The following ADAMTS17 variants were observed in gnomAD, a reference collection of about 807,000 sequenced individuals.
The protein encoded by ADAMTS17 is ADAM metallopeptidase with thrombospondin type 1 motif 17, also known as A disintegrin and metalloproteinase with thrombospondin motifs 17.
Under a neutral mutation model 141.5 loss-of-function variants are expected in ADAMTS17, and 113 were observed. The observed-to-expected ratio is 0.80, with a 90% CI of 0.69 to 0.93. The LOEUF is 0.93. Ranked by LOEUF, ADAMTS17 falls within the 40% of genes least tolerant of loss-of-function variation. The pLI, the probability that ADAMTS17 is intolerant of heterozygous loss-of-function variation, is 0.00. For synonymous variants in ADAMTS17, 768 were observed against 630.6 expected, an observed-to-expected ratio of 1.22 and a Z score of -3.27; for missense variants, 1,659 against 1,517.9, an observed-to-expected ratio of 1.09 and a Z score of -1.54.
chr15:100,119,873 C>A (rs1361513282), intron 12 of ADAMTS17, among the ~76,000 whole-genome samples: 1 of 152,208 alleles, frequency 6.6e-6, no homozygotes, highest in Non-Finnish European at 1.5e-5. Flanking sequence ...CCACCTCCAC[C>A]CTATTTTTCC....
chr15:100,228,472 C>A (rs914896584), intron 7 of ADAMTS17, among the ~76,000 whole-genome samples: 8 of 152,126 alleles, frequency 5.3e-5, no homozygotes, highest in Non-Finnish European at 1.2e-4. Context: ...CTGCTGAATT[C>A]ATTATTGATC....
At chr15:100,237,682 G>A (rs1468215331) in intron 7 of ADAMTS17, among the ~76,000 whole-genome samples, 2 of 152,166 alleles carry the variant, frequency 1.3e-5, no homozygotes, top group Non-Finnish European at 2.9e-5. Context: ...GGAGTGCAAT[G>A]GTGCAATCTC....
At chr15:100,147,653 T>C (rs1054222164) in intron 10 of ADAMTS17, among the ~76,000 whole-genome samples, 7 of 152,228 alleles carry the variant, frequency 4.6e-5, no homozygotes, top group African/African-American at 1.7e-4. Flanking sequence ...ATGCAGCTGA[T>C]ACTGACTGAA....
chr15:100,063,884 G>A (rs952146737), intron 15 of ADAMTS17: 26 of 562,768 alleles, frequency 4.6e-5, no homozygotes, highest in South Asian at 8.0e-5. Context: ...GAGGGCTGGC[G>A]CAGAAGAAGG....
At chr15:100,208,160 G>A (rs538493542) in intron 7 of ADAMTS17, among the ~76,000 whole-genome samples, 1 of 152,112 alleles carries the variant, frequency 6.6e-6, no homozygotes, top group African/African-American at 2.4e-5. Context: ...AGGAACCCAG[G>A]AGCCTCCCCT....
At chr15:100,078,425 A>G (rs1335316132) in intron 15 of ADAMTS17, among the ~76,000 whole-genome samples, 1 of 144,650 alleles carries the variant, frequency 6.9e-6, no homozygotes. Flanking sequence ...GAGTCCAGAA[A>G]ACAATTTTTT....
intron 7 of ADAMTS17, among the ~76,000 whole-genome samples, chr15:100,223,166 A>G (rs2042187541): frequency 6.6e-6 from 1 of 152,176 alleles, no homozygotes; most frequent in South Asian, 2.1e-4. Context: ...GAGGGAGACA[A>G]AAGGACATGG....
At position 100,254,156 on chromosome 15, in the gene ADAMTS17, T is replaced by A. The variant is rs1043689482; in HGVS notation, c.1055A>T (p.Asp352Val). 8.7e-6 allele frequency: 14 copies of A among 1,613,426 alleles called. No individual in the cohort carries two copies. The highest frequency in any genetic ancestry group is 1.3e-5 in the African/African-American group (1 of 74,868). Residue 352 changes from aspartate (D) to valine (V), a missense_variant, in exon 7 of 22, where the codon GAT becomes GTT. Transcript: ENST00000268070. ...VTRTDFCVHKDEPCDTVGIAY... is the reference protein window; with the variant it reads ...VTRTDFCVHKVEPCDTVGIAY... ...CTTACCAACAGTGTCACACGGTTCATCCTTGTGTACACAGAAATCTGTCCT... is the reference window on the plus strand; with the variant it reads ...CTTACCAACAGTGTCACACGGTTCAACCTTGTGTACACAGAAATCTGTCCT...
chr15:100,077,844 A>G (rs894360792), intron 15 of ADAMTS17, among the ~76,000 whole-genome samples: 2 of 152,228 alleles, frequency 1.3e-5, no homozygotes, highest in African/African-American at 2.4e-5. Context: ...AGATGCTAAA[A>G]TCTTATATAC....
At chr15:100,175,932 T>C (rs370558623) in intron 8 of ADAMTS17, among the ~76,000 whole-genome samples, 3 of 152,198 alleles carry the variant, frequency 2.0e-5, no homozygotes, top group African/African-American at 7.2e-5. Flanking sequence ...TCTTTTCTTT[T>C]TAGGACATAA....
At chr15:100,028,279 A>G (rs1567692068) in intron 18 of ADAMTS17, among the ~76,000 whole-genome samples, 1 of 152,130 alleles carries the variant, frequency 6.6e-6, no homozygotes, top group African/African-American at 2.4e-5. Flanking sequence ...ATCTGCCTAA[A>G]TCATCCCTCA....
intron 8 of ADAMTS17, among the ~76,000 whole-genome samples, chr15:100,197,061 T>TTGAATCTAACCA (rs1385752566): frequency 3.9e-5 from 6 of 152,236 alleles, no homozygotes; most frequent in Non-Finnish European, 5.9e-5. Flanking sequence ...TAAAGTGTGT[T>TTGAATCTAACCA]TGAATCTAAC....
chr15:100,147,731 C>A (rs550454360), intron 10 of ADAMTS17, among the ~76,000 whole-genome samples: 2 of 152,226 alleles, frequency 1.3e-5, no homozygotes, highest in East Asian at 3.9e-4. Context: ...AATGTCATAC[C>A]TTTTACTTTT....
intron 6 of ADAMTS17, among the ~76,000 whole-genome samples, chr15:100,255,654 A>C (rs1189523384): frequency 6.6e-6 from 1 of 151,838 alleles, no homozygotes; most frequent in African/African-American, 2.4e-5. Flanking sequence ...CTGGCCCAGG[A>C]CCTTGCTCCA....
At chr15:100,049,143 G>C in intron 17 of ADAMTS17, 151 bp from the exon 18 acceptor site, 2 of 1,214,438 alleles carry the variant, frequency 1.6e-6, no homozygotes, top group Non-Finnish European at 2.3e-6. Flanking sequence ...GGTTTTTAGA[G>C]AGGAAGAACT....
chr15:100,228,395 T>C (rs1440265798), intron 7 of ADAMTS17, among the ~76,000 whole-genome samples: 2 of 152,242 alleles, frequency 1.3e-5, no homozygotes, highest in Non-Finnish European at 2.9e-5. Context: ...GAATCTCATC[T>C]GCTTTGCACA....
At chr15:100,088,590 T>C (rs1403583279) in intron 15 of ADAMTS17, among the ~76,000 whole-genome samples, 1 of 151,936 alleles carries the variant, frequency 6.6e-6, no homozygotes, top group Non-Finnish European at 1.5e-5. Flanking sequence ...CTTCAAACTA[T>C]ACTACAAGGC....
intron 6 of ADAMTS17, among the ~76,000 whole-genome samples, chr15:100,258,534 G>A (rs7163218): frequency 0.036 from 5,551 of 152,280 alleles, 297 homozygotes; most frequent in African/African-American, 0.12. Flanking sequence ...CGAAAGGCAC[G>A]TCTCACATGG....
chr15:100,293,655 C>T (rs746418822), intron 3 of ADAMTS17, among the ~76,000 whole-genome samples: 3 of 152,130 alleles, frequency 2.0e-5, no homozygotes, highest in Non-Finnish European at 4.4e-5. Context: ...CTCCTGGCCA[C>T]CTACCCCCAG....
Sources: allele counts gnomAD v4.1 joint callset (sites outside exome capture counted in the v4.1 genomes callset), GRCh38; gene constraint gnomAD v4.1.1; transcripts MANE v1.5; gene names NCBI Gene and HGNC (gene_info 2026-07-23, HGNC 2026-07-21).